The following VPS13B variants were observed in gnomAD, a reference collection of about 807,000 sequenced individuals.
The protein encoded by VPS13B is intermembrane lipid transfer protein VPS13B.
VPS13B carries 285 observed loss-of-function variants against 426.4 expected under a neutral mutation model. The observed-to-expected ratio is 0.67, with a 90% confidence interval of 0.61 to 0.74. The LOEUF is 0.74. Ranked by LOEUF, VPS13B falls within the 30% of genes least tolerant of loss-of-function variation. The pLI is 0.00. For synonymous variants in VPS13B, 1,676 were observed against 1,676.4 expected (o/e 1.00, Z 0.01); for missense variants, 4,537 against 4,782.6 (o/e 0.95, Z 1.51).
chr8:99,720,438 G>A lies in VPS13B; in HGVS notation c.6751G>A (p.Val2251Ile). 1 of 1,613,978 alleles carries A rather than the reference G, an allele frequency of 6.2e-7. No homozygotes were observed. The highest frequency in any genetic ancestry group is 8.5e-7 in the Non-Finnish European group (1 of 1,179,904). Reference protein sequence around the residue: ...LNEEGNFEVQVSEPVPQMSSP... With the variant: ...LNEEGNFEVQISEPVPQMSSP... ...TGAGGAGGGAAATTTTGAAGTACAA[G>A]TTTCTGAACCAGTGCCTCAAATGTC... is the stretch of plus-strand genomic sequence containing the variant. The change falls in exon 38 of 62, where the codon GTT (valine) becomes ATT (isoleucine). Residue 2251 changes from valine (V) to isoleucine (I), a missense_variant. Around this residue, in one of 2 missense-constraint regions of VPS13B, gnomAD observed 4,311 missense variants for 4,474.3 expected, o/e 0.96. Transcript: ENST00000357162.
At chr8:99,040,807 A>G (rs1169703948) in intron 3 of VPS13B, among the ~76,000 whole-genome samples, 3 of 152,142 alleles carry the variant, frequency 2.0e-5, no homozygotes, top group East Asian at 1.9e-4. Flanking sequence ...ATGCATAGGA[A>G]TGTATTGAAG....
intron 44 of VPS13B, among the ~76,000 whole-genome samples, chr8:99,815,505 G>A (rs965928615): frequency 3.3e-5 from 5 of 152,066 alleles, no homozygotes; most frequent in African/African-American, 1.2e-4. Context: ...GCTTTACTCA[G>A]TCTACCAATC....
At chr8:99,180,190 T>G (rs779972629) in intron 16 of VPS13B, among the ~76,000 whole-genome samples, 8 of 152,224 alleles carry the variant, frequency 5.3e-5, no homozygotes, top group Non-Finnish European at 1.2e-4. Context: ...TTGTATTTTG[T>G]TTGTTTGCTA....
chr8:99,606,626 TTTC>T lies in VPS13B; in HGVS notation c.5220+28996_5220+28998del, dbSNP rs1278802383. On this transcript the variant is annotated intron_variant, in intron 33 of 61. Transcript: ENST00000357162. ...CCTTTTGTTTTCTTTTTCTTTTTCT[TTTC>T]TTTTTTTTTTTTTTTTTGAGACGGA... Among the ~76,000 whole-genome samples, 104 of 144,112 alleles carry T rather than the reference TTTC, an allele frequency of 7.2e-4. 1 individual carries two copies. The highest frequency in any genetic ancestry group is 1.8e-3 in the African/African-American group (71 of 40,186). The allele number at this position is 144,112 out of a possible 152,430, so 94.5% of individuals were successfully genotyped here.
At chr8:99,524,378 G>A (rs952418562) in intron 30 of VPS13B, among the ~76,000 whole-genome samples, 4 of 152,148 alleles carry the variant, frequency 2.6e-5, no homozygotes, top group Admixed American at 1.3e-4. Flanking sequence ...TCAAGTACAA[G>A]GTTGTAGAAT....
chr8:99,487,860 C>T (rs992443759), intron 25 of VPS13B, among the ~76,000 whole-genome samples: 1 of 152,056 alleles, frequency 6.6e-6, no homozygotes, highest in African/African-American at 2.4e-5. Flanking sequence ...TGCTGGACAT[C>T]TGGGTTATTT....
chr8:99,681,987 T>C (rs1222481927), intron 35 of VPS13B, among the ~76,000 whole-genome samples: 1 of 152,194 alleles, frequency 6.6e-6, no homozygotes, highest in African/African-American at 2.4e-5. Flanking sequence ...AATTCACTGT[T>C]CAAATTCACA....
intron 21 of VPS13B, among the ~76,000 whole-genome samples, chr8:99,407,665 T>A (rs1266129975): frequency 6.6e-6 from 1 of 151,990 alleles, no homozygotes; most frequent in Non-Finnish European, 1.5e-5. Flanking sequence ...TTAATTAGTT[T>A]ATTTTTTTAT....
intron 17 of VPS13B, among the ~76,000 whole-genome samples, chr8:99,204,339 A>C (rs772096655): frequency 6.6e-6 from 1 of 152,234 alleles, no homozygotes; most frequent in South Asian, 2.1e-4. Context: ...CATTCCTTAC[A>C]TCTTATACAA....
chr8:99,859,810 A>G (rs1202306717), intron 57 of VPS13B, among the ~76,000 whole-genome samples: 1 of 152,176 alleles, frequency 6.6e-6, no homozygotes, highest in African/African-American at 2.4e-5. Flanking sequence ...AAACATCAGA[A>G]ACCCTACACT....
At chr8:99,700,065 T>G in intron 36 of VPS13B, 133 bp downstream of exon 36, 5 of 1,070,768 alleles carry the variant, frequency 4.7e-6, no homozygotes, top group Admixed American at 2.9e-5. Flanking sequence ...ATGAGGACAT[T>G]TCTGGTTTGT....
Position 99,455,288 on chromosome 8 carries a change from C to G in VPS13B, c.3446-12126C>G, listed in dbSNP as rs1467131935. 2.6e-5 allele frequency among the ~76,000 whole-genome samples: 4 copies of G among 152,044 alleles called. No individual in the cohort carries two copies. In the East Asian group the frequency reaches 7.7e-4, roughly 29 times the overall value. Reference sequence around the variant, plus strand: ...TTCTTGCATTGCTATAAAGAAATACCTGAGACTGGGTAATTTATAAAGAAA... The same window carrying G: ...TTCTTGCATTGCTATAAAGAAATACGTGAGACTGGGTAATTTATAAAGAAA... On this transcript the variant is annotated intron_variant, in intron 23 of 61. Transcript: ENST00000357162.
At chr8:99,261,106 T>G (rs1052518726) in intron 17 of VPS13B, among the ~76,000 whole-genome samples, 11 of 152,180 alleles carry the variant, frequency 7.2e-5, no homozygotes, top group African/African-American at 2.6e-4. Context: ...TTTGTTACCT[T>G]CATGAACCTA....
intron 19 of VPS13B, among the ~76,000 whole-genome samples, chr8:99,355,697 C>A (rs1185461092): frequency 2.0e-5 from 3 of 152,142 alleles, no homozygotes; most frequent in African/African-American, 7.2e-5. Flanking sequence ...GGCTGTTGTT[C>A]TAGCTGTGCC....
chr8:99,599,473 G>T (rs1483008810), intron 33 of VPS13B, among the ~76,000 whole-genome samples: 2 of 152,050 alleles, frequency 1.3e-5, no homozygotes, highest in East Asian at 3.9e-4. Flanking sequence ...ACTAATTTAT[G>T]ATCTTTTCCA....
chr8:99,445,503 ATAATATG>A (rs1280376224), intron 23 of VPS13B, among the ~76,000 whole-genome samples: 1 of 149,264 alleles, frequency 6.7e-6, no homozygotes. Context: ...TACATGATAT[ATAATATG>A]TAATATATAC....
rs1829399025 is a variant in VPS13B at position 99,642,240 on chromosome 8, T to G, written c.5650T>G (p.Ser1884Ala). ...DLLRSSISFP[S>A]GKKIGVLSLE... ...CTTAAGGAGCAGCATTTCTTTTCCT[T>G]CAGGGAAAAAAATAGGGGTCCTCTC... Residue 1884 changes from serine (S) to alanine (A), a missense_variant, in exon 34 of 62, where the codon TCA becomes GCA. By Grantham distance (99) the Ser-to-Ala change is moderately conservative. Coordinates refer to ENST00000357162, the MANE Select transcript of VPS13B (RefSeq NM_152564.5). The G allele has an allele frequency of 6.2e-7, 1 of 1,613,914 alleles. No individual in the cohort carries two copies. The highest frequency in any genetic ancestry group is 1.3e-5 in the African/African-American group (1 of 74,890).
chr8:99,727,062 C>G (rs888262317), intron 39 of VPS13B, among the ~76,000 whole-genome samples: 40 of 152,064 alleles, frequency 2.6e-4, no homozygotes, highest in African/African-American at 9.2e-4. Flanking sequence ...TGAGGTGGGC[C>G]TCATTCCCAT....
chr8:99,718,873 G>A (rs1340382091), intron 37 of VPS13B, among the ~76,000 whole-genome samples: 2 of 151,736 alleles, frequency 1.3e-5, no homozygotes, highest in African/African-American at 4.8e-5. Flanking sequence ...TGCCCAGGCT[G>A]GTCTCAAACT....
Sources: gnomAD v4.1 joint callset for allele counts (sites outside exome capture counted in the v4.1 genomes callset) on GRCh38, gnomAD v4.1.1 for gene constraint, gnomAD v4.1.1 regional missense constraint, MANE v1.5 for transcripts, NCBI Gene and HGNC (gene_info 2026-07-23, HGNC 2026-07-21) for gene names.